The following KIAA0586 variants were observed in gnomAD, a reference collection of about 807,000 sequenced individuals.
The protein encoded by KIAA0586 is KIAA0586.
Under a neutral mutation model 169.8 loss-of-function variants are expected in KIAA0586, and 144 were observed. That is an observed-to-expected ratio of 0.85 (90% CI 0.74 to 0.97). The LOEUF is 0.97. Among genes scored for constraint, KIAA0586 ranks in the 50% least tolerant of loss-of-function variants. The pLI is 0.00. For missense variants in KIAA0586, 1,854 were observed against 1,823.0 expected (o/e 1.02, Z -0.31); for synonymous variants, 625 against 612.4 (o/e 1.02, Z -0.30).
intron 24 of KIAA0586, among the ~76,000 whole-genome samples, chr14:58,489,152 T>C (rs2757711): frequency 6.6e-6 from 1 of 151,984 alleles, no homozygotes. Flanking sequence ...GACACATAAA[T>C]ACATACGTAT....
At chr14:58,440,911 A>G (rs1408937849) in intron 4 of KIAA0586, 1 of 154,552 alleles carries the variant, frequency 6.5e-6, no homozygotes, top group Non-Finnish European at 1.4e-5. Context: ...AATACATTCT[A>G]GAGATCTATT....
chr14:58,490,995 GTAAT>G (rs1566890730), intron 25 of KIAA0586, among the ~76,000 whole-genome samples: 1 of 152,008 alleles, frequency 6.6e-6, no homozygotes, highest in African/African-American at 2.4e-5. Context: ...TTTTTAAACA[GTAAT>G]TATTTATTGC....
intron 4 of KIAA0586, chr14:58,441,251 T>G: frequency 2.3e-6 from 1 of 429,228 alleles, no homozygotes; most frequent in South Asian, 1.6e-5. Context: ...GCTGGAGTGA[T>G]CACAGTGGGG....
At chr14:58,498,502 A>AT (rs2043320197) in intron 26 of KIAA0586, among the ~76,000 whole-genome samples, 1 of 151,994 alleles carries the variant, frequency 6.6e-6, no homozygotes, top group Non-Finnish European at 1.5e-5. Flanking sequence ...TTGTAATATA[A>AT]TTTTTCTTAT....
chr14:58,511,437 A>T (rs1197971337), intron 28 of KIAA0586, among the ~76,000 whole-genome samples: 1 of 152,204 alleles, frequency 6.6e-6, no homozygotes, highest in African/African-American at 2.4e-5. Flanking sequence ...GCAGTTAAAT[A>T]ACTTGCCCAA....
chr14:58,455,829 C>A (rs1040632029), intron 9 of KIAA0586, among the ~76,000 whole-genome samples: 6 of 152,154 alleles, frequency 3.9e-5, no homozygotes, highest in African/African-American at 1.4e-4. Context: ...TTAGGACCTT[C>A]CCAGGTCTCT....
chr14:58,443,612 T>TG (rs1225220350), intron 5 of KIAA0586, among the ~76,000 whole-genome samples: 4 of 151,986 alleles, frequency 2.6e-5, no homozygotes, highest in Admixed American at 2.0e-4. Flanking sequence ...TTAGTAGAGA[T>TG]GGGGGTTTCA....
rs1283046767 is a variant in KIAA0586, at chr14:58,515,883, A to AC, written c.4429+3257dup. Among the ~76,000 whole-genome samples the AC allele has an allele frequency of 2.8e-3, 428 of 151,830 alleles. 4 individuals are homozygous for AC. The highest frequency in any genetic ancestry group is 9.9e-3 in the African/African-American group (410 of 41,406). ...TGGAAAGAGTGTCACTTTCACCCTA[A>AC]CTATAATAAAATGTCAGATAAACTA... On this transcript the variant is annotated intron_variant, in intron 29 of 30. Coordinates refer to ENST00000652326, the MANE Select transcript of KIAA0586 (RefSeq NM_001329943.3).
chr14:58,502,505 AAC>A (rs1422371272), intron 27 of KIAA0586, among the ~76,000 whole-genome samples: 1 of 152,174 alleles, frequency 6.6e-6, no homozygotes, highest in Non-Finnish European at 1.5e-5. Context: ...TTCCATTGAT[AAC>A]ACAGACCAAT....
chr14:58,539,832 C>CA (rs2041311980), intron 29 of KIAA0586: 1 of 314,004 alleles, frequency 3.2e-6, no homozygotes, highest in Non-Finnish European at 5.8e-6. Flanking sequence ...TTCCCCCCCC[C>CA]ATCTGTGATG....
intron 29 of KIAA0586, among the ~76,000 whole-genome samples, chr14:58,530,515 C>T (rs2045890349): frequency 6.6e-6 from 1 of 152,132 alleles, no homozygotes; most frequent in African/African-American, 2.4e-5. Flanking sequence ...TGGAACAAAA[C>T]AGAGGCCTAA....
chr14:58,518,757 C>T (rs2044959358), intron 29 of KIAA0586, among the ~76,000 whole-genome samples: 1 of 152,168 alleles, frequency 6.6e-6, no homozygotes, highest in African/African-American at 2.4e-5. Context: ...CTTACTGAAC[C>T]TCCGATTGAA....
chr14:58,444,020 G>A lies in KIAA0586; in HGVS notation c.652G>A (p.Asp218Asn), dbSNP rs1453035646. The A allele has an allele frequency of 6.2e-7, 1 of 1,612,068 alleles. No individual in the cohort carries two copies. The highest frequency in any genetic ancestry group is 8.5e-7 in the Non-Finnish European group (1 of 1,178,774). ...TELLSKLQET[D>N]KHLQRVTEQQ... ...ATTACTTAGTAAATTACAGGAGACTGATAAACACCTGCAACGTGTTACAGA... is the reference window on the plus strand; with the variant it reads ...ATTACTTAGTAAATTACAGGAGACTAATAAACACCTGCAACGTGTTACAGA... Residue 218 changes from aspartate to asparagine, a missense_variant, in exon 6 of 31, where the codon GAT becomes AAT. By Grantham distance (23) the Asp-to-Asn change is conservative. Coordinates refer to ENST00000652326, the MANE Select transcript of KIAA0586 (RefSeq NM_001329943.3).
intron 29 of KIAA0586, among the ~76,000 whole-genome samples, chr14:58,532,736 G>T (rs1356932709): frequency 6.6e-6 from 1 of 152,044 alleles, no homozygotes; most frequent in East Asian, 1.9e-4. Flanking sequence ...AGACTTTCTT[G>T]GGTATATTTT....
chr14:58,430,210 C>T (rs930373526), intron 2 of KIAA0586, among the ~76,000 whole-genome samples: 2 of 150,902 alleles, frequency 1.3e-5, no homozygotes, highest in African/African-American at 4.9e-5. Flanking sequence ...GATATCTAAA[C>T]TTCTCAAATG....
At chr14:58,481,325 T>A (rs1161974488) in intron 20 of KIAA0586, among the ~76,000 whole-genome samples, 4 of 152,234 alleles carry the variant, frequency 2.6e-5, no homozygotes, top group Non-Finnish European at 5.9e-5. Context: ...TTAAGTCAAG[T>A]AAAGTCTCTC....
In KIAA0586 at chr14:58,488,847, A is replaced by C; in HGVS notation, c.3754A>C (p.Ser1252Arg). Residue 1252 changes from serine to arginine, a missense_variant, in exon 24 of 31, where the codon AGC (serine) becomes CGC (arginine). Coordinates refer to ENST00000652326, the MANE Select transcript of KIAA0586 (RefSeq NM_001329943.3). ...CATCTCTGAAGGAGAGATTTTATTT[A>C]GCTGTGGTCAAAAATTGGCCCCCAA... ...KPISEGEILFSCGQKLAPKIL... is the reference protein window; with the variant it reads ...KPISEGEILFRCGQKLAPKIL... 2 of 1,613,866 alleles carry C rather than the reference A, an allele frequency of 1.2e-6. No homozygotes were observed. Among genetic ancestry groups the C allele is most frequent in the Non-Finnish European group, 1.7e-6 (2 of 1,179,824 alleles).
At chr14:58,461,867 C>T (rs1407729290) in intron 14 of KIAA0586, among the ~76,000 whole-genome samples, 1 of 152,168 alleles carries the variant, frequency 6.6e-6, no homozygotes, top group Admixed American at 6.5e-5. Flanking sequence ...CTTCATGTAT[C>T]ACTGTGTATT....
intron 26 of KIAA0586, among the ~76,000 whole-genome samples, chr14:58,493,832 G>A (rs2042979719): frequency 6.6e-6 from 1 of 151,998 alleles, no homozygotes; most frequent in Non-Finnish European, 1.5e-5. Context: ...GAGAGAGAAA[G>A]GAGGGAGAGG....
Sources: gnomAD v4.1 joint callset for allele counts (sites outside exome capture counted in the v4.1 genomes callset) on GRCh38, gnomAD v4.1.1 for gene constraint, MANE v1.5 for transcripts, NCBI Gene and HGNC (gene_info 2026-07-23, HGNC 2026-07-21) for gene names.